The following MINDY3 variants were observed in gnomAD, a reference collection of about 807,000 sequenced individuals.
The protein encoded by MINDY3 is ubiquitin carboxyl-terminal hydrolase MINDY-3.
A neutral mutation model predicts 69.2 loss-of-function variants in MINDY3; 38 were observed. The ratio of observed to expected loss-of-function variants is 0.55; its 90% confidence interval spans 0.42 to 0.72. The LOEUF (loss-of-function observed/expected upper bound fraction) is 0.72. MINDY3 is among the 30% of genes least tolerant of loss of function. The pLI is 0.00. For synonymous variants in MINDY3, 192 were observed against 180.1 expected (o/e 1.07, Z -0.53); for missense variants, 522 against 519.0 (o/e 1.01, Z -0.06).
Position 15,786,640 on chromosome 10 carries a change from A to C in MINDY3, c.1037T>G (p.Leu346Arg). 1 of 1,561,538 alleles carries C rather than the reference A, an allele frequency of 6.4e-7. No homozygotes were observed. The highest frequency in any genetic ancestry group is 8.8e-7 in the Non-Finnish European group (1 of 1,136,044). ...TTCTGGATCTAATTTATTCTTCATG[A>C]GATTTATACTACGGGGAGAAAGAAG... ...DLVSDPEYINLMKNKLDPEGL... is the reference protein window; with the variant it reads ...DLVSDPEYINRMKNKLDPEGL... The change falls in exon 13 of 15, where the codon CTC becomes CGC. Residue 346 changes from leucine (L) to arginine (R), a missense_variant. Physicochemically the swap from Leu to Arg is moderately radical, Grantham distance 102. Coordinates refer to ENST00000277632, the MANE Select transcript of MINDY3 (RefSeq NM_024948.4).
chr10:15,797,176 G>A (rs1420229005), intron 10 of MINDY3, among the ~76,000 whole-genome samples: 4 of 152,038 alleles, frequency 2.6e-5, no homozygotes, highest in Non-Finnish European at 5.9e-5. Flanking sequence ...AAGAATCAGA[G>A]GAGTTCTAAC....
intron 10 of MINDY3, among the ~76,000 whole-genome samples, chr10:15,801,908 A>G (rs1468570081): frequency 1.3e-5 from 2 of 152,016 alleles, no homozygotes; most frequent in African/African-American, 4.8e-5. Flanking sequence ...ATCAGAAGAA[A>G]TAACAGAAGA....
chr10:15,803,335 A>G (rs1010052033), intron 10 of MINDY3, among the ~76,000 whole-genome samples: 22 of 152,280 alleles, frequency 1.4e-4, no homozygotes, highest in African/African-American at 5.1e-4. Flanking sequence ...TAATCCATGT[A>G]GCAAACTTAA....
rs756528150 is a variant in MINDY3, at chr10:15,816,908, G to A, written c.809C>T (p.Ser270Phe). Residue 270 changes from serine to phenylalanine, a missense_variant, in exon 10 of 15, where the codon TCT (serine) becomes TTT (phenylalanine). Transcript: ENST00000277632. ...MEALRYCKVG[S>F]YLKSPKFPIW... Reference sequence around the variant, plus strand: ...AGGGAATTTTGGAGATTTCAAGTAAGAACCAACCTAGAACAAATGTAGCAA... The same window carrying A: ...AGGGAATTTTGGAGATTTCAAGTAAAAACCAACCTAGAACAAATGTAGCAA... 1 of 1,610,680 alleles carries A rather than the reference G, an allele frequency of 6.2e-7. No homozygotes were observed. Among genetic ancestry groups the A allele is most frequent in the South Asian group, 1.1e-5 (1 of 90,836 alleles).
chr10:15,837,072 C>A (rs1387924482), intron 6 of MINDY3, 132 bp downstream of exon 6: 1 of 572,342 alleles, frequency 1.7e-6, no homozygotes, highest in Non-Finnish European at 3.1e-6. Context: ...GAAATTAACT[C>A]ATTTTCAACG....
intron 10 of MINDY3, among the ~76,000 whole-genome samples, chr10:15,811,705 C>G (rs1267645296): frequency 6.6e-6 from 1 of 151,914 alleles, no homozygotes; most frequent in African/African-American, 2.4e-5. Flanking sequence ...AATTTTTGCC[C>G]AAAGCCACTA....
At chr10:15,855,316 C>T (rs1274582717) in intron 1 of MINDY3, among the ~76,000 whole-genome samples, 2 of 152,074 alleles carry the variant, frequency 1.3e-5, no homozygotes, top group African/African-American at 4.8e-5. Context: ...TAAAACAGGA[C>T]TATGCTGAGT....
At chr10:15,855,779 G>T (rs1008444692) in intron 1 of MINDY3, among the ~76,000 whole-genome samples, 5 of 151,950 alleles carry the variant, frequency 3.3e-5, no homozygotes, top group Non-Finnish European at 7.4e-5. Context: ...TATCTCAATT[G>T]GACTTCACAT....
In MINDY3 at chr10:15,848,059, A is replaced by C. The variant is rs113852609; in HGVS notation, c.95-116T>G. ...CTTATCACAACAGCAAAATATCTTC[A>C]AATCATGAGGTGTGGATCAAGGAAC... On this transcript the variant is annotated intron_variant, in intron 1 of 14. Transcript: ENST00000277632. 1.7e-4 allele frequency: 135 copies of C among 806,762 alleles called. No homozygotes were observed. The African/African-American group carries it at 2.0e-3, about 12-fold the overall frequency. The allele number at this position is 806,762 out of a possible 1,614,324, so 50.0% of individuals were successfully genotyped here. A position where few individuals can be genotyped will look rare whatever the true frequency, so the allele number is the denominator to read the frequency against.
chr10:15,841,832 T>A (rs1029267917), intron 3 of MINDY3, among the ~76,000 whole-genome samples: 16 of 151,686 alleles, frequency 1.1e-4, no homozygotes, highest in Admixed American at 1.1e-3. Context: ...AGAAAAAGAA[T>A]ACTGAAAAAT....
At chr10:15,783,034 T>TACAA (rs2044446819) in intron 13 of MINDY3, among the ~76,000 whole-genome samples, 1 of 152,134 alleles carries the variant, frequency 6.6e-6, no homozygotes, top group African/African-American at 2.4e-5. Flanking sequence ...ATCCGATGGA[T>TACAA]ACAAACAGGC....
chr10:15,856,229 A>C (rs1834682028), intron 1 of MINDY3, among the ~76,000 whole-genome samples: 1 of 151,960 alleles, frequency 6.6e-6, no homozygotes, highest in African/African-American at 2.4e-5. Context: ...TTTAAACCTT[A>C]AATTAACCCA....
At chr10:15,821,830 A>C in intron 8 of MINDY3, 104 bp from the exon 9 acceptor site, 1 of 804,752 alleles carries the variant, frequency 1.2e-6, no homozygotes, top group Non-Finnish European at 1.9e-6. Context: ...ACTACACCAA[A>C]ACTTTTAACT....
intron 10 of MINDY3, among the ~76,000 whole-genome samples, chr10:15,798,250 A>C (rs963714810): frequency 3.3e-5 from 5 of 152,154 alleles, no homozygotes; most frequent in Non-Finnish European, 4.4e-5. Flanking sequence ...GGGGAAAGGT[A>C]GTAGAAATGT....
At chr10:15,806,652 A>G (rs999393196) in intron 10 of MINDY3, among the ~76,000 whole-genome samples, 1 of 152,190 alleles carries the variant, frequency 6.6e-6, no homozygotes, top group Non-Finnish European at 1.5e-5. Flanking sequence ...ACAGACTTTC[A>G]TATAGTAAGG....
At chr10:15,820,602 G>A (rs1369923161) in intron 9 of MINDY3, among the ~76,000 whole-genome samples, 1 of 152,154 alleles carries the variant, frequency 6.6e-6, no homozygotes, top group Non-Finnish European at 1.5e-5. Flanking sequence ...GAAGATAAAA[G>A]TCACTGAAAA....
intron 3 of MINDY3, 22 bp downstream of exon 3, chr10:15,843,189 GT>G (rs1833601650): frequency 6.2e-7 from 1 of 1,600,702 alleles, no homozygotes. Flanking sequence ...GGAAGCAAAA[GT>G]TTTAAAAGAC....
Position 15,843,150 on chromosome 10 carries a change from T to C in MINDY3, c.235+62A>G, listed in dbSNP as rs191909815. The C allele has an allele frequency of 2.9e-3, 3,898 of 1,335,488 alleles. 69 individuals are homozygous for C. Among genetic ancestry groups the C allele is most frequent in the South Asian group, 0.017 (1,337 of 79,082 alleles). The allele number at this position is 1,335,488 out of a possible 1,614,324, so 82.7% of individuals were successfully genotyped here. On this transcript the variant is annotated intron_variant, in intron 3 of 14. Coordinates refer to ENST00000277632, the MANE Select transcript of MINDY3 (RefSeq NM_024948.4). ...ACTGATACTTGACTTTCTCAGATAA[T>C]TTTAGATCATCTCTATTAAAACAGA... is the stretch of plus-strand genomic sequence containing the variant.
At chr10:15,796,476 G>GAAAAAAAAAAAAAAAAAAAAA (rs746694573) in intron 10 of MINDY3, among the ~76,000 whole-genome samples, 1 of 138,274 alleles carries the variant, frequency 7.2e-6, no homozygotes, top group African/African-American at 2.6e-5. Flanking sequence ...AATGTAGCAT[G>GAAAAAAAAAAAAAAAAAAAAA]AAAAAAAAAA....
Sources: allele counts gnomAD v4.1 joint callset (sites outside exome capture counted in the v4.1 genomes callset), GRCh38; gene constraint gnomAD v4.1.1; transcripts MANE v1.5; gene names NCBI Gene and HGNC (gene_info 2026-07-23, HGNC 2026-07-21).